The following ZNF503 variants were observed in gnomAD, a reference collection of about 807,000 sequenced individuals.
The protein encoded by ZNF503 is NocA-like zinc finger 2.
ZNF503 carries 15 observed loss-of-function variants against 34.4 expected under a neutral mutation model. That is an observed-to-expected ratio of 0.44 (90% CI 0.29 to 0.67). ZNF503 has a LOEUF of 0.67. Among genes scored for constraint, ZNF503 ranks in the 30% least tolerant of loss-of-function variants. The probability of loss-of-function intolerance (pLI) is 0.13; values close to 1 mark genes in which losing one functional copy is unlikely to be tolerated. For synonymous variants in ZNF503, 580 were observed against 456.8 expected, an observed-to-expected ratio of 1.27 and a Z score of -3.44; for missense variants, 1,007 against 926.8, an observed-to-expected ratio of 1.09 and a Z score of -1.12.
the ZNF503 span, among the ~76,000 whole-genome samples, chr10:75,378,962 C>G: frequency 6.6e-6 from 1 of 152,156 alleles, no homozygotes; most frequent in African/African-American, 2.4e-5. Flanking sequence ...ACCACCCTGT[C>G]TGTTCCTCAC....
In ZNF503 at chr10:75,401,585, G is replaced by A; in HGVS notation, c.-166C>T. ...CTTCTCGGCGCCTGGAGCCAGACGC[G>A]AGTAATCCTGGGTGGCCCGCAGCGG... On this transcript the variant is annotated 5_prime_UTR_variant, in exon 1 of 2. Transcript: ENST00000372524. 2.5e-6 allele frequency: 2 copies of A among 794,242 alleles called. No individual in the cohort carries two copies. The highest frequency in any genetic ancestry group is 4.0e-6 in the Non-Finnish European group (2 of 504,704). 49.2% of individuals were successfully genotyped at this position (794,242 alleles called of 1,614,324 possible).
the ZNF503 span, among the ~76,000 whole-genome samples, chr10:75,301,185 A>G: frequency 2.6e-5 from 4 of 152,036 alleles, no homozygotes; most frequent in Admixed American, 2.0e-4. Context: ...TTGAATGGAT[A>G]TTTTAGTCTA....
At chr10:75,322,257 G>A in the ZNF503 span, among the ~76,000 whole-genome samples, 1 of 151,556 alleles carries the variant, frequency 6.6e-6, no homozygotes, top group African/African-American at 2.4e-5. Flanking sequence ...CTGAGTAGCT[G>A]GGTCTACAGG....
At chr10:75,304,173 T>C in the ZNF503 span, among the ~76,000 whole-genome samples, 1 of 152,216 alleles carries the variant, frequency 6.6e-6, no homozygotes, top group African/African-American at 2.4e-5. Context: ...ACAGGTTTGG[T>C]TGTTCTTTTT....
chr10:75,302,215 C>G, the ZNF503 span, among the ~76,000 whole-genome samples: 2 of 152,208 alleles, frequency 1.3e-5, no homozygotes, highest in Non-Finnish European at 1.5e-5. Context: ...TCCGTTGTTT[C>G]TGATGAGAAG....
the ZNF503 span, among the ~76,000 whole-genome samples, chr10:75,286,054 A>G: frequency 2.6e-5 from 4 of 152,126 alleles, no homozygotes; most frequent in Admixed American, 2.6e-4. Flanking sequence ...AGGCCGAGGC[A>G]GGTGGATCAC....
chr10:75,324,013 A>G, the ZNF503 span, among the ~76,000 whole-genome samples: 2 of 147,964 alleles, frequency 1.4e-5, no homozygotes, highest in Non-Finnish European at 3.0e-5. Flanking sequence ...AAAAAAAAAA[A>G]GGGTTGCTTG....
At chr10:75,361,843 G>A in the ZNF503 span, among the ~76,000 whole-genome samples, 3 of 152,200 alleles carry the variant, frequency 2.0e-5, no homozygotes, top group Admixed American at 6.5e-5. Context: ...GGTGGGTGCT[G>A]TGTGCCTGGG....
chr10:75,398,608 T>G lies in ZNF503; in HGVS notation c.*141A>C. ...CGGTCGCTGCTGTCGGGTAGATAGA[T>G]ACGGTATACATTTCTTTCCTTTCGT... On this transcript the variant is annotated 3_prime_UTR_variant, in exon 2 of 2. Coordinates refer to ENST00000372524, the MANE Select transcript of ZNF503 (RefSeq NM_032772.6). 1 of 710,210 alleles carries G rather than the reference T, an allele frequency of 1.4e-6. No homozygotes were observed. 44.0% of individuals were successfully genotyped at this position (710,210 alleles called of 1,614,324 possible). A position where few individuals can be genotyped will look rare whatever the true frequency, so the allele number is the denominator to read the frequency against.
chr10:75,367,264 G>C, the ZNF503 span, among the ~76,000 whole-genome samples: 3 of 151,888 alleles, frequency 2.0e-5, no homozygotes, highest in African/African-American at 7.3e-5. Context: ...TCCCTCTCTG[G>C]CTTCTCTCTC....
the ZNF503 span, among the ~76,000 whole-genome samples, chr10:75,360,425 C>G: frequency 6.6e-6 from 1 of 152,126 alleles, no homozygotes; most frequent in Non-Finnish European, 1.5e-5. Context: ...CGTGACCGGC[C>G]TGGGGGCCCT....
At chr10:75,360,128 T>C in the ZNF503 span, among the ~76,000 whole-genome samples, 4 of 146,716 alleles carry the variant, frequency 2.7e-5, no homozygotes, top group Non-Finnish European at 1.5e-5. Flanking sequence ...TTTTTTTTTT[T>C]TTTTTTTTTT....
chr10:75,381,805 CTTTTT>C, the ZNF503 span, among the ~76,000 whole-genome samples: 212 of 38,594 alleles, frequency 5.5e-3, no homozygotes, highest in African/African-American at 0.021. Context: ...GAACCTAATT[CTTTTT>C]TTTTTTTTTT....
the ZNF503 span, among the ~76,000 whole-genome samples, chr10:75,329,957 C>G: frequency 6.6e-6 from 1 of 152,190 alleles, no homozygotes; most frequent in Non-Finnish European, 1.5e-5. Context: ...CTTAGAGGAT[C>G]TTTTCCCTGT....
the ZNF503 span, among the ~76,000 whole-genome samples, chr10:75,340,212 C>G: frequency 6.6e-6 from 1 of 151,602 alleles, no homozygotes; most frequent in African/African-American, 2.4e-5. Context: ...CACCACTGCA[C>G]TCCAGCCTGG....
downstream of ZNF503, among the ~76,000 whole-genome samples, chr10:75,396,839 C>T (rs1483202618): frequency 1.3e-5 from 2 of 152,142 alleles, no homozygotes; most frequent in Admixed American, 1.3e-4. This position sits in a 1 kb window ranked among gnomAD's most constrained non-coding sequence, Gnocchi z 4.4. Context: ...TCTCGGCCCC[C>T]CTCCCCCCAA....
the ZNF503 span, among the ~76,000 whole-genome samples, chr10:75,306,094 A>AT: frequency 6.6e-6 from 1 of 152,074 alleles, no homozygotes; most frequent in Non-Finnish European, 1.5e-5. Flanking sequence ...TCTATTTTTA[A>AT]TTTTTTGAGA....
the ZNF503 span, among the ~76,000 whole-genome samples, chr10:75,378,779 C>T: frequency 1.3e-5 from 2 of 152,054 alleles, no homozygotes; most frequent in East Asian, 3.9e-4. Context: ...CACCATAAGG[C>T]TGAGTTGATG....
Position 75,400,747 on chromosome 10 carries a change from TCA to T in ZNF503, c.315+356_315+357del, listed in dbSNP as rs562285262. Among the ~76,000 whole-genome samples, 243 of 152,314 alleles carry T rather than the reference TCA, an allele frequency of 1.6e-3. 2 individuals are homozygous for T. The highest frequency in any genetic ancestry group is 5.6e-3 in the African/African-American group (233 of 41,570). On this transcript the variant is annotated intron_variant, in intron 1 of 1. Transcript: ENST00000372524. The stretch of plus-strand genomic sequence containing the variant: ...AGTAAGGGCTCGGGCGGCTGGCGCC[TCA>T]GAGGCTGTGTGCACACACTGGCTTC...
Sources: allele counts gnomAD v4.1 joint callset (sites outside exome capture counted in the v4.1 genomes callset), GRCh38; gene constraint gnomAD v4.1.1; non-coding constraint Gnocchi (gnomAD v3.1); transcripts MANE v1.5; gene names NCBI Gene and HGNC (gene_info 2026-07-23, HGNC 2026-07-21).